The following ADGRL3 variants were observed in gnomAD, a reference collection of about 807,000 sequenced individuals.
ADGRL3 encodes the protein adhesion G protein-coupled receptor L3, also known as calcium-independent alpha-latrotoxin receptor 3.
A neutral mutation model predicts 153.5 loss-of-function variants in ADGRL3; 62 were observed. The ratio of observed to expected loss-of-function variants is 0.40; its 90% confidence interval spans 0.33 to 0.50. The LOEUF is 0.50. Ranked by LOEUF, ADGRL3 falls within the 20% of genes least tolerant of loss-of-function variation. The pLI is 0.47. For synonymous variants in ADGRL3, 710 were observed against 672.5 expected (o/e 1.06, Z -0.86); for missense variants, 1,641 against 1,859.4 (o/e 0.88, Z 2.16).
At chr4:62,022,901 A>G (rs1024596229) in intron 21 of ADGRL3, among the ~76,000 whole-genome samples, 1 of 152,100 alleles carries the variant, frequency 6.6e-6, no homozygotes. Flanking sequence ...ATACCTGCTA[A>G]CACAACCTCC....
intron 5 of ADGRL3, among the ~76,000 whole-genome samples, chr4:61,639,166 G>A (rs562812533): frequency 5.3e-5 from 8 of 152,156 alleles, no homozygotes; most frequent in African/African-American, 1.9e-4. Flanking sequence ...GCCTTTGTAC[G>A]CTAAAATAGA....
At chr4:61,258,059 A>G (rs1220299703) in intron 1 of ADGRL3, among the ~76,000 whole-genome samples, 1 of 152,094 alleles carries the variant, frequency 6.6e-6, no homozygotes, top group Non-Finnish European at 1.5e-5. Context: ...CAGGACTAAT[A>G]TTTTTTAAAC....
chr4:61,295,119 C>G (rs2094362629), intron 1 of ADGRL3, among the ~76,000 whole-genome samples: 1 of 152,144 alleles, frequency 6.6e-6, no homozygotes. Flanking sequence ...AGACATTAAT[C>G]ATTCCTTTGT....
intron 8 of ADGRL3, among the ~76,000 whole-genome samples, chr4:61,770,630 G>T (rs1054208494): frequency 1.3e-5 from 2 of 152,166 alleles, no homozygotes; most frequent in Admixed American, 1.3e-4. Context: ...GGTGGGCTTT[G>T]AATTGCTCCT....
At chr4:61,365,639 A>G (rs1464275674) in intron 1 of ADGRL3, among the ~76,000 whole-genome samples, 1 of 152,250 alleles carries the variant, frequency 6.6e-6, no homozygotes. Flanking sequence ...TTCAGCTTCA[A>G]GAGGAAAAAC....
intron 6 of ADGRL3, among the ~76,000 whole-genome samples, chr4:61,691,705 A>G (rs2095542998): frequency 6.6e-6 from 1 of 152,170 alleles, no homozygotes; most frequent in Non-Finnish European, 1.5e-5. Flanking sequence ...CTAAATCATA[A>G]AATTCTGAAT....
At chr4:61,681,369 T>C (rs943632090) in intron 6 of ADGRL3, among the ~76,000 whole-genome samples, 1 of 152,108 alleles carries the variant, frequency 6.6e-6, no homozygotes, top group African/African-American at 2.4e-5. Context: ...CAGTCCAGCT[T>C]TTCTCTTCAA....
At chr4:61,724,282 G>A (rs1348787899) in intron 6 of ADGRL3, among the ~76,000 whole-genome samples, 1 of 152,118 alleles carries the variant, frequency 6.6e-6, no homozygotes, top group Non-Finnish European at 1.5e-5. Context: ...TTTTACTAAA[G>A]CTATTATAAA....
intron 9 of ADGRL3, among the ~76,000 whole-genome samples, chr4:61,875,802 A>G (rs1177210301): frequency 2.0e-5 from 3 of 152,230 alleles, no homozygotes; most frequent in African/African-American, 4.8e-5. Context: ...TCTGTGGTCA[A>G]CATATGTGAG....
At chr4:61,686,429 T>C (rs1287405530) in intron 6 of ADGRL3, among the ~76,000 whole-genome samples, 2 of 152,074 alleles carry the variant, frequency 1.3e-5, no homozygotes, top group African/African-American at 4.8e-5. Context: ...CAATCATGAA[T>C]CTTATGAAAC....
At chr4:61,551,377 G>A (rs933755198) in intron 4 of ADGRL3, among the ~76,000 whole-genome samples, 6 of 152,030 alleles carry the variant, frequency 3.9e-5, no homozygotes, top group Non-Finnish European at 8.8e-5. Context: ...TTAAAAATAT[G>A]TATTTAAAAA....
chr4:61,972,426 A>G lies in ADGRL3; in HGVS notation c.2806-7137A>G, dbSNP rs922696389. 7.7e-4 allele frequency among the ~76,000 whole-genome samples: 117 copies of G among 152,184 alleles called. 1 individual carries two copies. Among genetic ancestry groups the G allele is most frequent in the South Asian group, 1.5e-3 (7 of 4,814 alleles). ...TTATTAAATAGGGAATCCTTTCCCCATTGCTTGTTTTTGTCAGGTTTGTCA... is the reference window on the plus strand; with the variant it reads ...TTATTAAATAGGGAATCCTTTCCCCGTTGCTTGTTTTTGTCAGGTTTGTCA... On this transcript the variant is annotated intron_variant, in intron 17 of 26. Transcript: ENST00000683033.
chr4:61,351,776 GAA>G (rs1465418442), intron 1 of ADGRL3, among the ~76,000 whole-genome samples: 3 of 150,150 alleles, frequency 2.0e-5, no homozygotes, highest in Non-Finnish European at 4.4e-5. Context: ...AGAAAAAGAA[GAA>G]AAAATCCTTT....
intron 2 of ADGRL3, among the ~76,000 whole-genome samples, chr4:61,430,439 A>G (rs536851555): frequency 2.0e-5 from 3 of 152,186 alleles, no homozygotes; most frequent in Non-Finnish European, 4.4e-5. Flanking sequence ...CTGATTTATA[A>G]AAGTATATCA....
intron 13 of ADGRL3, among the ~76,000 whole-genome samples, chr4:61,923,178 GCTA>G (rs1377098735): frequency 6.6e-6 from 1 of 152,344 alleles, no homozygotes; most frequent in South Asian, 2.1e-4. Context: ...GAGTCTGAGT[GCTA>G]TTAAAATCCT....
At chr4:61,862,465 G>T (rs997769552) in intron 9 of ADGRL3, among the ~76,000 whole-genome samples, 2 of 152,170 alleles carry the variant, frequency 1.3e-5, no homozygotes, top group African/African-American at 4.8e-5. Context: ...TAGTTCAGGA[G>T]AGAAGGAGAT....
intron 4 of ADGRL3, among the ~76,000 whole-genome samples, chr4:61,536,491 C>A (rs2098657165): frequency 6.6e-6 from 1 of 151,982 alleles, no homozygotes; most frequent in Non-Finnish European, 1.5e-5. Flanking sequence ...AAGTTCCTCA[C>A]TATTATTGTA....
chr4:61,820,220 T>A (rs2097735466), intron 9 of ADGRL3, among the ~76,000 whole-genome samples: 1 of 152,192 alleles, frequency 6.6e-6, no homozygotes, highest in African/African-American at 2.4e-5. Flanking sequence ...AAGTAGCCAC[T>A]GAATTTATAT....
chr4:61,532,062 T>A (rs2098621241), intron 4 of ADGRL3, among the ~76,000 whole-genome samples: 1 of 152,202 alleles, frequency 6.6e-6, no homozygotes, highest in African/African-American at 2.4e-5. Flanking sequence ...ATCAACAAGC[T>A]AAAATGAAAT....
Sources: gnomAD v4.1 joint callset for allele counts (sites outside exome capture counted in the v4.1 genomes callset) on GRCh38, gnomAD v4.1.1 for gene constraint, MANE v1.5 for transcripts, NCBI Gene and HGNC (gene_info 2026-07-23, HGNC 2026-07-21) for gene names.